Variants in ADAM12 observed in about 807,000 individuals in gnomAD.
ADAM12 encodes the protein disintegrin and metalloproteinase domain-containing protein 12.
A neutral mutation model predicts 106.4 loss-of-function variants in ADAM12; 70 were observed. That is an observed-to-expected ratio of 0.66 (90% CI 0.54 to 0.80). ADAM12 has a LOEUF of 0.80. ADAM12 is among the 30% of genes least tolerant of loss of function. The pLI, the probability that ADAM12 is intolerant of heterozygous loss-of-function variation, is 0.00. For synonymous variants in ADAM12, 420 were observed against 433.5 expected (o/e 0.97, Z 0.39); for missense variants, 1,010 against 1,171.9 (o/e 0.86, Z 2.02).
chr10:126,237,851 C>T (rs1392987253), intron 3 of ADAM12, among the ~76,000 whole-genome samples: 2 of 152,146 alleles, frequency 1.3e-5, no homozygotes, highest in Non-Finnish European at 2.9e-5. Context: ...GTATAAAGAG[C>T]TTGGGACAAG....
chr10:126,239,978 C>T (rs1490776968), intron 3 of ADAM12, among the ~76,000 whole-genome samples: 1 of 152,194 alleles, frequency 6.6e-6, no homozygotes, highest in Non-Finnish European at 1.5e-5. Context: ...GCCCCCTGCC[C>T]TCCTCCTCCA....
chr10:126,167,131 T>C (rs1590545117), intron 3 of ADAM12, among the ~76,000 whole-genome samples: 1 of 152,350 alleles, frequency 6.6e-6, no homozygotes, highest in Middle Eastern at 3.4e-3. Flanking sequence ...CATCAGTCAC[T>C]AACGTTCATT....
chr10:126,367,146 C>A (rs978901825), intron 1 of ADAM12, among the ~76,000 whole-genome samples: 1 of 151,836 alleles, frequency 6.6e-6, no homozygotes, highest in African/African-American at 2.4e-5. Context: ...ATGGAATATC[C>A]ATCAATAAAG....
At chr10:126,034,230 A>G (rs1954018662) in intron 21 of ADAM12, among the ~76,000 whole-genome samples, 1 of 152,212 alleles carries the variant, frequency 6.6e-6, no homozygotes, top group East Asian at 1.9e-4. Flanking sequence ...AAGGGAGGTT[A>G]TGCCTTTCAG....
intron 2 of ADAM12, among the ~76,000 whole-genome samples, chr10:126,281,050 C>T (rs1237210545): frequency 1.3e-5 from 2 of 152,152 alleles, no homozygotes; most frequent in Admixed American, 6.5e-5. Context: ...GGGACTCCTG[C>T]ATATTTGCCT....
intron 2 of ADAM12, among the ~76,000 whole-genome samples, chr10:126,287,451 G>A (rs574968554): frequency 5.3e-5 from 8 of 152,084 alleles, no homozygotes; most frequent in African/African-American, 7.2e-5. Flanking sequence ...CCTGATCCAC[G>A]ACAGAGGGGA....
At chr10:126,052,241 C>T (rs1954521908) in intron 14 of ADAM12, among the ~76,000 whole-genome samples, 1 of 152,150 alleles carries the variant, frequency 6.6e-6, no homozygotes, top group South Asian at 2.1e-4. Flanking sequence ...TGTGCTGCTG[C>T]AGCTGCCTGT....
chr10:126,102,029 C>T (rs1297390803), intron 8 of ADAM12, among the ~76,000 whole-genome samples: 1 of 152,152 alleles, frequency 6.6e-6, no homozygotes, highest in Non-Finnish European at 1.5e-5. Context: ...CAGCCTATGG[C>T]CCATACCTGA....
At chr10:126,071,937 C>T (rs1955003390) in intron 11 of ADAM12, among the ~76,000 whole-genome samples, 1 of 152,158 alleles carries the variant, frequency 6.6e-6, no homozygotes, top group Non-Finnish European at 1.5e-5. Flanking sequence ...TAAGTTCAGG[C>T]AGAGTCTCAT....
At chr10:126,077,350 A>G (rs1216903543) in intron 11 of ADAM12, among the ~76,000 whole-genome samples, 2 of 152,222 alleles carry the variant, frequency 1.3e-5, no homozygotes, top group African/African-American at 4.8e-5. Context: ...ACAGATTACA[A>G]TGTAAATAAC....
intron 1 of ADAM12, among the ~76,000 whole-genome samples, chr10:126,357,827 T>C (rs1406781273): frequency 6.6e-6 from 1 of 152,106 alleles, no homozygotes; most frequent in African/African-American, 2.4e-5. Context: ...CCATGACACA[T>C]GGAGATTATG....
At chr10:126,323,942 T>G (rs1163297168) in intron 2 of ADAM12, among the ~76,000 whole-genome samples, 2 of 152,204 alleles carry the variant, frequency 1.3e-5, no homozygotes, top group Non-Finnish European at 2.9e-5. Flanking sequence ...TTTCATGATA[T>G]CCAACAGAAA....
At chr10:126,096,327 T>G (rs1369954615) in intron 10 of ADAM12, among the ~76,000 whole-genome samples, 1 of 152,258 alleles carries the variant, frequency 6.6e-6, no homozygotes, top group African/African-American at 2.4e-5. Flanking sequence ...CATCAATGAT[T>G]ATAAACAGAA....
intron 3 of ADAM12, among the ~76,000 whole-genome samples, chr10:126,239,107 G>A (rs1173278319): frequency 2.0e-5 from 3 of 152,198 alleles, no homozygotes; most frequent in African/African-American, 7.2e-5. Flanking sequence ...AAGTTTTTTA[G>A]CATGCAGTAA....
intron 2 of ADAM12, among the ~76,000 whole-genome samples, chr10:126,328,782 T>C (rs2133848364): frequency 6.6e-6 from 1 of 152,356 alleles, no homozygotes; most frequent in South Asian, 2.1e-4. Flanking sequence ...GCTCTCATTC[T>C]GGAGACAGAA....
intron 4 of ADAM12, among the ~76,000 whole-genome samples, chr10:126,146,923 G>T (rs116126020): frequency 6.6e-6 from 1 of 152,046 alleles, no homozygotes; most frequent in Admixed American, 6.6e-5. Context: ...TTTTCATCTC[G>T]ATTAGATGCT....
intron 8 of ADAM12, among the ~76,000 whole-genome samples, chr10:126,107,728 G>A (rs1246566801): frequency 6.6e-6 from 1 of 152,170 alleles, no homozygotes; most frequent in South Asian, 2.1e-4. Flanking sequence ...CATGAGAATT[G>A]CTGGGGAGCT....
At chr10:126,325,414 G>A (rs949528498) in intron 2 of ADAM12, among the ~76,000 whole-genome samples, 3 of 152,224 alleles carry the variant, frequency 2.0e-5, no homozygotes, top group Non-Finnish European at 2.9e-5. Context: ...AAAGAATGGG[G>A]ATGGTTATTG....
chr10:126,184,638 G>T (rs1957367677), intron 3 of ADAM12, among the ~76,000 whole-genome samples: 1 of 152,186 alleles, frequency 6.6e-6, no homozygotes, highest in Admixed American at 6.5e-5. Flanking sequence ...TCAAAATTTA[G>T]TATTTGGGCA....
Sources: gnomAD v4.1 joint callset for allele counts (sites outside exome capture counted in the v4.1 genomes callset) on GRCh38, gnomAD v4.1.1 for gene constraint, MANE v1.5 for transcripts, NCBI Gene and HGNC (gene_info 2026-07-23, HGNC 2026-07-21) for gene names.